Variants in GNA14 observed in about 807,000 individuals in gnomAD.
The protein encoded by GNA14 is guanine nucleotide-binding protein subunit alpha-14.
A neutral mutation model predicts 42.0 loss-of-function variants in GNA14; 50 were observed. That is an observed-to-expected ratio of 1.19 (90% CI 0.95 to 1.51). The LOEUF (loss-of-function observed/expected upper bound fraction) is 1.51. Ranked by LOEUF, GNA14 falls within the 40% of genes most tolerant of loss-of-function variation. GNA14 has a pLI of 0.00. For missense variants in GNA14, 473 were observed against 446.2 expected (o/e 1.06, Z -0.54); for synonymous variants, 173 against 163.1 (o/e 1.06, Z -0.46).
At chr9:77,431,700 C>G (rs1835558044) in intron 3 of GNA14, 1 of 385,174 alleles carries the variant, frequency 2.6e-6, no homozygotes. Context: ...TCTCTTCCTC[C>G]TGGGTTCTAA....
intron 2 of GNA14, among the ~76,000 whole-genome samples, chr9:77,448,187 G>T (rs1835852682): frequency 1.3e-5 from 2 of 152,160 alleles, no homozygotes; most frequent in Non-Finnish European, 1.5e-5. Flanking sequence ...AAACCAGTAT[G>T]GTCCACCAAG....
intron 1 of GNA14, among the ~76,000 whole-genome samples, chr9:77,587,119 TAAAAAAAAAA>T (rs1823318219): frequency 6.6e-6 from 1 of 151,172 alleles, no homozygotes; most frequent in Admixed American, 6.6e-5. Context: ...TAGCTATACT[TAAAAAAAAAA>T]GAAAAGAAAA....
intron 2 of GNA14, among the ~76,000 whole-genome samples, chr9:77,505,924 A>G (rs948125683): frequency 6.6e-6 from 1 of 152,150 alleles, no homozygotes; most frequent in Non-Finnish European, 1.5e-5. Flanking sequence ...TAGAAATATG[A>G]GAGCCACTTA....
intron 2 of GNA14, among the ~76,000 whole-genome samples, chr9:77,479,901 G>C (rs1295545096): frequency 2.6e-5 from 4 of 152,068 alleles, no homozygotes; most frequent in African/African-American, 9.7e-5. Flanking sequence ...CATTGATTTT[G>C]TATCCTGAGA....
chr9:77,489,132 TGAAA>T (rs1836711514), intron 2 of GNA14, among the ~76,000 whole-genome samples: 1 of 151,840 alleles, frequency 6.6e-6, no homozygotes, highest in African/African-American at 2.4e-5. Context: ...TCTGCAGAAC[TGAAA>T]GACTCATTAA....
intron 2 of GNA14, among the ~76,000 whole-genome samples, chr9:77,493,749 T>G (rs1836825961): frequency 6.6e-6 from 1 of 152,220 alleles, no homozygotes; most frequent in African/African-American, 2.4e-5. Context: ...TTATTTGTTT[T>G]AATTTTGTAA....
rs139178600 is a variant in GNA14, at chr9:77,494,011, C to T, written c.309+35058G>A. ...TCTTGGCTCACAGCAACCTCCGCCT[C>T]CCGGGTTGAAGTGATTCTCGTGACT... On this transcript the variant is annotated intron_variant, in intron 2 of 6. Coordinates refer to ENST00000341700, the MANE Select transcript of GNA14 (RefSeq NM_004297.4). Among the ~76,000 whole-genome samples, 499 of 152,266 alleles carry T rather than the reference C, an allele frequency of 3.3e-3. 2 individuals carry two copies. The highest frequency in any genetic ancestry group is 0.012 in the African/African-American group (488 of 41,552).
At chr9:77,454,391 C>A (rs1311675559) in intron 2 of GNA14, among the ~76,000 whole-genome samples, 1 of 152,148 alleles carries the variant, frequency 6.6e-6, no homozygotes, top group East Asian at 1.9e-4. Context: ...GGAGGATAAC[C>A]TTTCGCTCGC....
intron 1 of GNA14, among the ~76,000 whole-genome samples, chr9:77,616,797 C>G (rs992401980): frequency 1.3e-5 from 2 of 152,194 alleles, no homozygotes; most frequent in Non-Finnish European, 2.9e-5. Flanking sequence ...ACCTCCAGCT[C>G]TCTGTGTTAG....
intron 2 of GNA14, among the ~76,000 whole-genome samples, chr9:77,467,032 T>TGTGA (rs1472808253): frequency 6.6e-6 from 1 of 151,758 alleles, no homozygotes; most frequent in African/African-American, 2.4e-5. Context: ...TGTGTGTGTG[T>TGTGA]GTGTGTCTTG....
At chr9:77,469,762 C>A (rs981287124) in intron 2 of GNA14, among the ~76,000 whole-genome samples, 1 of 152,186 alleles carries the variant, frequency 6.6e-6, no homozygotes, top group South Asian at 2.1e-4. Context: ...TATAAAGAGA[C>A]AGTCTTGGCA....
intron 1 of GNA14, among the ~76,000 whole-genome samples, chr9:77,614,461 G>C (rs1823779406): frequency 6.6e-6 from 1 of 152,096 alleles, no homozygotes; most frequent in Non-Finnish European, 1.5e-5. Flanking sequence ...GCCCCATGCT[G>C]CATAATTTTG....
At chr9:77,491,547 A>T (rs900124216) in intron 2 of GNA14, among the ~76,000 whole-genome samples, 5 of 152,228 alleles carry the variant, frequency 3.3e-5, no homozygotes, top group African/African-American at 1.2e-4. Flanking sequence ...CAAATCAAAG[A>T]CTGTAAAAAG....
chr9:77,428,755 G>A, intron 5 of GNA14, 152 bp downstream of exon 5: 2 of 725,458 alleles, frequency 2.8e-6, no homozygotes, highest in East Asian at 2.6e-5. Context: ...CCATGCAGGT[G>A]ATGCCTGTGC....
At chr9:77,570,130 A>G (rs1386881831) in intron 1 of GNA14, among the ~76,000 whole-genome samples, 1 of 152,154 alleles carries the variant, frequency 6.6e-6, no homozygotes, top group African/African-American at 2.4e-5. Context: ...TTTTGTCATT[A>G]TTGTTTGTTG....
chr9:77,466,722 T>C (rs1447888595), intron 2 of GNA14, among the ~76,000 whole-genome samples: 1 of 152,172 alleles, frequency 6.6e-6, no homozygotes, highest in East Asian at 1.9e-4. Context: ...CTTTAGATAA[T>C]ACATGGTAGC....
At chr9:77,605,901 A>G (rs1823638646) in intron 1 of GNA14, among the ~76,000 whole-genome samples, 1 of 152,144 alleles carries the variant, frequency 6.6e-6, no homozygotes, top group Admixed American at 6.5e-5. Flanking sequence ...AAGCAGCATT[A>G]TTTTTCCACT....
intron 1 of GNA14, among the ~76,000 whole-genome samples, chr9:77,640,809 C>T (rs1275127488): frequency 7.7e-6 from 1 of 129,826 alleles, no homozygotes; most frequent in African/African-American, 3.1e-5. Context: ...TCTTCCCCAG[C>T]TGGGGAAGAA....
At chr9:77,453,171 C>G (rs895215439) in intron 2 of GNA14, among the ~76,000 whole-genome samples, 8 of 152,080 alleles carry the variant, frequency 5.3e-5, no homozygotes, top group Non-Finnish European at 8.8e-5. Flanking sequence ...TAAAAAGAGG[C>G]CTGAGGGAGC....
Sources: gnomAD v4.1 joint callset for allele counts (sites outside exome capture counted in the v4.1 genomes callset) on GRCh38, gnomAD v4.1.1 for gene constraint, MANE v1.5 for transcripts, NCBI Gene and HGNC (gene_info 2026-07-23, HGNC 2026-07-21) for gene names.